GLDN: variants seen among roughly 807,000 people sequenced by gnomAD.
The protein encoded by GLDN is collomin.
Under a neutral mutation model 56.5 loss-of-function variants are expected in GLDN, and 47 were observed. The observed-to-expected ratio is 0.83, with a 90% CI of 0.66 to 1.06. The LOEUF is 1.06. GLDN is among the 50% of genes least tolerant of loss of function. The pLI, the probability that GLDN is intolerant of heterozygous loss-of-function variation, is 0.00. For missense variants in GLDN, 782 were observed against 714.3 expected (o/e 1.09, Z -1.08); for synonymous variants, 332 against 278.8 (o/e 1.19, Z -1.90).
Position 51,401,624 on chromosome 15 carries a change from C to G in GLDN, c.1059C>G (p.Pro353=). The part of the protein sequence containing the change: ...GIMVKEFKDQ[P]SLLNGSYTFI... ...TGGTTAAGGAATTCAAGGATCAGCCCTCACTTCTGAATGGCAGTTACACGT... is the reference window on the plus strand; with the variant it reads ...TGGTTAAGGAATTCAAGGATCAGCCGTCACTTCTGAATGGCAGTTACACGT... The change falls in exon 9 of 10, where the codon CCC becomes CCG. Residue 353 remains proline (P), a synonymous_variant. Transcript: ENST00000335449. The G allele has an allele frequency of 6.2e-7, 1 of 1,614,118 alleles. No homozygotes were observed. The highest frequency in any genetic ancestry group is 8.5e-7 in the Non-Finnish European group (1 of 1,179,976).
intron 1 of GLDN, among the ~76,000 whole-genome samples, chr15:51,354,581 A>G (rs1211051375): frequency 6.6e-6 from 1 of 152,230 alleles, no homozygotes; most frequent in Non-Finnish European, 1.5e-5. Flanking sequence ...AATCATTCCA[A>G]GTACAGGCAA....
intron 1 of GLDN, among the ~76,000 whole-genome samples, chr15:51,357,900 A>C (rs2037217556): frequency 6.6e-6 from 1 of 152,054 alleles, no homozygotes; most frequent in African/African-American, 2.4e-5. Flanking sequence ...TGGTGCCCCC[A>C]TGGGCACAGA....
chr15:51,374,393 A>C (rs917195703), intron 1 of GLDN, among the ~76,000 whole-genome samples: 2 of 152,214 alleles, frequency 1.3e-5, no homozygotes, highest in African/African-American at 4.8e-5. Context: ...AAAATGACTA[A>C]AGGCAGTGAA....
At chr15:51,398,895 G>A (rs1356736364) in intron 6 of GLDN, among the ~76,000 whole-genome samples, 1 of 152,220 alleles carries the variant, frequency 6.6e-6, no homozygotes, top group Non-Finnish European at 1.5e-5. Flanking sequence ...GCCAGTGACG[G>A]CCCTTGTCTG....
At chr15:51,384,055 G>T in intron 4 of GLDN, 163 bp downstream of exon 4, 1 of 693,728 alleles carries the variant, frequency 1.4e-6, no homozygotes, top group Non-Finnish European at 2.6e-6. Context: ...GGGATACCAA[G>T]GGTATACTTC....
chr15:51,369,380 G>A (rs1377310210), intron 1 of GLDN, among the ~76,000 whole-genome samples: 1 of 152,242 alleles, frequency 6.6e-6, no homozygotes, highest in Non-Finnish European at 1.5e-5. Context: ...AGACCTGGAA[G>A]ATGACTTAGC....
intron 1 of GLDN, among the ~76,000 whole-genome samples, chr15:51,368,442 G>GC (rs958946435): frequency 1.3e-5 from 2 of 151,842 alleles, no homozygotes; most frequent in African/African-American, 4.8e-5. Context: ...TAGAACACTT[G>GC]CCCCCCAGGC....
intron 1 of GLDN, among the ~76,000 whole-genome samples, chr15:51,347,653 A>C (rs1410523469): frequency 6.6e-6 from 1 of 152,262 alleles, no homozygotes; most frequent in East Asian, 1.9e-4. Context: ...CCCATACAGA[A>C]GGCACTTTGG....
intron 1 of GLDN, among the ~76,000 whole-genome samples, chr15:51,350,147 G>A (rs2037050344): frequency 6.6e-6 from 1 of 152,182 alleles, no homozygotes; most frequent in African/African-American, 2.4e-5. Context: ...GCAAGACAGA[G>A]GCACCCTAAG....
chr15:51,389,438 A>T (rs921780821), intron 4 of GLDN, among the ~76,000 whole-genome samples: 2 of 152,240 alleles, frequency 1.3e-5, no homozygotes, highest in African/African-American at 4.8e-5. Context: ...GTACTCAGTA[A>T]CTATTTATTC....
At chr15:51,384,042 T>C (rs767708005) in intron 4 of GLDN, 150 bp downstream of exon 4, 1 of 710,960 alleles carries the variant, frequency 1.4e-6, no homozygotes, top group Non-Finnish European at 2.5e-6. Flanking sequence ...GCCATTGCGT[T>C]CCGGGATACC....
At position 51,377,430 on chromosome 15, in the gene GLDN, G is replaced by T. The variant is rs774824939; in HGVS notation, c.364-19G>T. The stretch of plus-strand genomic sequence containing the variant: ...CCTGCTGCCCACTGTCTGCTCTGAT[G>T]ACCCTCTCTCCCCTGCAGATCCGAG... On this transcript the variant is annotated intron_variant, in intron 1 of 9. Coordinates refer to ENST00000335449, the MANE Select transcript of GLDN (RefSeq NM_181789.4). 6.2e-7 allele frequency: 1 copy of T among 1,610,868 alleles called. No individual in the cohort carries two copies. The highest frequency in any genetic ancestry group is 1.1e-5 in the South Asian group (1 of 90,992).
At chr15:51,366,638 C>T (rs985934739) in intron 1 of GLDN, among the ~76,000 whole-genome samples, 4 of 152,130 alleles carry the variant, frequency 2.6e-5, no homozygotes, top group Admixed American at 6.5e-5. Flanking sequence ...TTCAAATAAG[C>T]GAGGTGGCTC....
At chr15:51,374,131 G>T (rs766570691) in intron 1 of GLDN, among the ~76,000 whole-genome samples, 9 of 152,090 alleles carry the variant, frequency 5.9e-5, no homozygotes, top group Non-Finnish European at 1.3e-4. Context: ...GAAATCAAAA[G>T]GTCAGGAAAT....
chr15:51,384,947 A>T (rs2037857038), intron 4 of GLDN: 1 of 152,032 alleles, frequency 6.6e-6, no homozygotes, highest in Admixed American at 6.5e-5. Context: ...TCTTATTCTC[A>T]TTAGCAATTG....
intron 1 of GLDN, among the ~76,000 whole-genome samples, chr15:51,366,857 A>T (rs767715198): frequency 9.2e-5 from 14 of 151,764 alleles, no homozygotes; most frequent in Non-Finnish European, 2.1e-4. Context: ...TCCAGCCTGG[A>T]CAACAGAGTA....
At chr15:51,394,757 A>C in intron 4 of GLDN, 78 bp from the exon 5 acceptor site, 1 of 1,494,792 alleles carries the variant, frequency 6.7e-7, no homozygotes, top group Non-Finnish European at 9.2e-7. Context: ...CCTGGAAAGC[A>C]CAAAGCACAG....
At chr15:51,360,981 G>A (rs1252400212) in intron 1 of GLDN, among the ~76,000 whole-genome samples, 1 of 152,212 alleles carries the variant, frequency 6.6e-6, no homozygotes, top group Admixed American at 6.5e-5. Context: ...AACATCAGAC[G>A]ACTTGGTTAA....
chr15:51,395,195 G>A (rs979927038), intron 5 of GLDN, among the ~76,000 whole-genome samples: 24 of 152,210 alleles, frequency 1.6e-4, no homozygotes, highest in African/African-American at 5.8e-4. Context: ...CTAAGTATAA[G>A]TGGTTCAGGT....
Sources: allele counts gnomAD v4.1 joint callset (sites outside exome capture counted in the v4.1 genomes callset), GRCh38; gene constraint gnomAD v4.1.1; transcripts MANE v1.5; gene names NCBI Gene and HGNC (gene_info 2026-07-23, HGNC 2026-07-21).